GAD2: variants seen among roughly 807,000 people sequenced by gnomAD.
GAD2 encodes the protein glutamate decarboxylase 2, also known as 65 kDa glutamic acid decarboxylase.
In GAD2, 22 loss-of-function variants were observed where a neutral mutation model predicts 80.1. That is an observed-to-expected ratio of 0.27 (90% CI 0.20 to 0.39). The LOEUF (loss-of-function observed/expected upper bound fraction) is 0.39. Among genes scored for constraint, GAD2 ranks in the 10% least tolerant of loss-of-function variants. GAD2 has a pLI of 1.00. For missense variants in GAD2, 624 were observed against 738.4 expected (o/e 0.85, Z 1.80); for synonymous variants, 274 against 256.9 (o/e 1.07, Z -0.64).
chr10:26,263,945 G>T (rs1035114197), intron 8 of GAD2, among the ~76,000 whole-genome samples: 7 of 152,032 alleles, frequency 4.6e-5, no homozygotes, highest in Admixed American at 2.0e-4. Context: ...GTTAAGTCGG[G>T]GTAGTTGTAC....
At chr10:26,257,647 A>T (rs1010739418) in intron 8 of GAD2, among the ~76,000 whole-genome samples, 1 of 152,212 alleles carries the variant, frequency 6.6e-6, no homozygotes, top group African/African-American at 2.4e-5. Context: ...TACTACTAGT[A>T]GGTATTAGCT....
chr10:26,292,470 T>A lies in GAD2; in HGVS notation c.1392T>A (p.Thr464=), dbSNP rs1333950730. The change falls in exon 14 of 16, where the codon ACT becomes ACA. Residue 464 remains threonine (T), a synonymous_variant. Transcript: ENST00000376261. ...TGTGTCCTTCTCTTACCTAGGGGAC[T>A]ACCGGGTTTGAAGCGCATGTTGATA... ...KLWLMWRAKG[T]TGFEAHVDKC... is the part of the protein sequence containing the mutation. The A allele has an allele frequency of 6.2e-7, 1 of 1,613,438 alleles. No individual in the cohort carries two copies. Among genetic ancestry groups the A allele is most frequent in the African/African-American group, 1.3e-5 (1 of 75,046 alleles).
At chr10:26,285,091 A>C (rs1845317017) in intron 12 of GAD2, among the ~76,000 whole-genome samples, 1 of 152,230 alleles carries the variant, frequency 6.6e-6, no homozygotes, top group African/African-American at 2.4e-5. Flanking sequence ...ATTGGTCTTC[A>C]AGTGAATTTT....
chr10:26,277,138 C>T (rs1002728573), intron 11 of GAD2, among the ~76,000 whole-genome samples: 4 of 152,188 alleles, frequency 2.6e-5, no homozygotes, highest in African/African-American at 9.6e-5. Context: ...AGCTCAGCAT[C>T]ATAGCATACA....
intron 15 of GAD2, among the ~76,000 whole-genome samples, chr10:26,298,238 A>G (rs771655094): frequency 8.5e-5 from 13 of 152,216 alleles, no homozygotes; most frequent in Non-Finnish European, 1.3e-4. Context: ...CCCTGGACCC[A>G]TCTTAGTTGA....
At chr10:26,220,873 C>T (rs1015940027) in intron 4 of GAD2, among the ~76,000 whole-genome samples, 4 of 152,168 alleles carry the variant, frequency 2.6e-5, no homozygotes, top group Non-Finnish European at 4.4e-5. Context: ...TGTCTATCAA[C>T]GTTGCATTTA....
chr10:26,218,022 C>G, intron 3 of GAD2, 31 bp downstream of exon 3: 1 of 1,567,398 alleles, frequency 6.4e-7, no homozygotes, highest in Non-Finnish European at 8.6e-7. Context: ...CCCGGGGCGC[C>G]CCTGCCCCTC....
chr10:26,216,612 C>A (rs1844374087), upstream of GAD2: 1 of 446,866 alleles, frequency 2.2e-6, no homozygotes, highest in Non-Finnish European at 3.9e-6. The surrounding 1 kb of genome is among the most constrained non-coding windows in gnomAD (Gnocchi z 4.7). Flanking sequence ...AACCCTGTCT[C>A]CAGCTCGCAT....
chr10:26,275,927 G>A (rs7100268), intron 11 of GAD2, among the ~76,000 whole-genome samples: 16,755 of 152,166 alleles, frequency 0.11, 966 homozygotes, highest in African/African-American at 0.13. Context: ...GGCAGAGGTG[G>A]AAGGATCATT....
chr10:26,272,244 G>C (rs1845145536), intron 10 of GAD2, among the ~76,000 whole-genome samples: 2 of 152,182 alleles, frequency 1.3e-5, no homozygotes, highest in South Asian at 4.1e-4. Flanking sequence ...ACTGAGAAAA[G>C]ACTGAACTAT....
chr10:26,294,978 G>A (rs1464560329), intron 15 of GAD2, among the ~76,000 whole-genome samples: 3 of 152,114 alleles, frequency 2.0e-5, no homozygotes, highest in Non-Finnish European at 4.4e-5. Flanking sequence ...GAACTGACTG[G>A]CCAGAAAGAG....
intron 8 of GAD2, among the ~76,000 whole-genome samples, chr10:26,251,870 G>C (rs1844884676): frequency 6.6e-6 from 1 of 152,212 alleles, no homozygotes; most frequent in Non-Finnish European, 1.5e-5. Context: ...TGAGAGCCTG[G>C]CCCTAATGGT....
rs1376448340 is a variant in GAD2, at chr10:26,229,662, G to A, written c.725G>A (p.Gly242Asp). 2 of 1,610,784 alleles carry A rather than the reference G, an allele frequency of 1.2e-6. No homozygotes were observed. The highest frequency in any genetic ancestry group is 1.1e-5 in the South Asian group (1 of 90,778). The change falls in exon 7 of 16, where the codon GGT (glycine) becomes GAT (aspartate). Residue 242 changes from glycine (G) to aspartate (D), a missense_variant and splice_region_variant. By Grantham distance (94) the Gly-to-Asp change is moderately conservative (BLOSUM62 -1). Coordinates refer to ENST00000376261, the MANE Select transcript of GAD2 (RefSeq NM_001134366.2). ...AACTGCGTGTTGCTGTGCACTTTAG[G>A]TGGCGCCATATCTAACATGTATGCC... ...GGSGDGIFSP[G>D]GAISNMYAMM...
At position 26,219,386 on chromosome 10, in the gene GAD2, A is replaced by G. The variant is rs1844425671; in HGVS notation, c.520+110A>G. The G allele has an allele frequency of 4.3e-6, 3 of 704,956 alleles. No individual in the cohort carries two copies. In the East Asian group the frequency reaches 8.5e-5, roughly 20 times the overall value. The allele number at this position is 704,956 out of a possible 1,614,324, so 43.7% of individuals were successfully genotyped here. On this transcript the variant is annotated intron_variant, in intron 4 of 15. Coordinates refer to ENST00000376261, the MANE Select transcript of GAD2 (RefSeq NM_001134366.2). ...GAGTTACTGATATTTTCAAAATTGC[A>G]AAGTTATTTTCATCATGTAAAAAAT... is the stretch of plus-strand genomic sequence containing the variant.
Position 26,269,114 on chromosome 10 carries a change from T to C in GAD2, c.921-5T>C. On this transcript the variant is annotated splice_polypyrimidine_tract_variant and splice_region_variant and intron_variant, in intron 8 of 15. Transcript: ENST00000376261. The stretch of plus-strand genomic sequence containing the variant: ...AAGCAAATCTATATTTCTTTTTCCT[T>C]CCAGAGGGAAAATGATTCCATCTGA... 2 of 1,588,302 alleles carry C rather than the reference T, an allele frequency of 1.3e-6. No homozygotes were observed. The highest frequency in any genetic ancestry group is 1.7e-6 in the Non-Finnish European group (2 of 1,166,290).
rs183970850 is a variant in GAD2 at position 26,235,490 on chromosome 10, T to C, written c.840+5713T>C. Among the ~76,000 whole-genome samples, 4 of 152,362 alleles carry C rather than the reference T, an allele frequency of 2.6e-5. No individual in the cohort carries two copies. The East Asian group carries it at 7.7e-4, about 29-fold the overall frequency. On this transcript the variant is annotated intron_variant, in intron 7 of 15. Transcript: ENST00000376261. ...GATGAGGAGGGCAACCTATTAAATT[T>C]TTCTGGTTGTTTGAATCAACTGTTT... is the stretch of plus-strand genomic sequence containing the variant.
In GAD2 at chr10:26,276,614, C is replaced by CGCTCT. The variant is rs1163379756; in HGVS notation, c.1157+2914_1157+2915insGCTCT. Among the ~76,000 whole-genome samples the CGCTCT allele has an allele frequency of 8.7e-4, 133 of 152,150 alleles. 1 individual carries two copies. Among genetic ancestry groups the CGCTCT allele is most frequent in the Non-Finnish European group, 1.8e-3 (120 of 68,036 alleles). ...TTTTGGCCAGGCTGGTCTTGAACTC[C>CGCTCT]TGACCTCAAGTGATCCGCTCGCCTC... is the stretch of plus-strand genomic sequence containing the variant. On this transcript the variant is annotated intron_variant, in intron 11 of 15. Transcript: ENST00000376261.
chr10:26,273,403 G>A (rs564260914), intron 10 of GAD2, among the ~76,000 whole-genome samples: 3 of 152,224 alleles, frequency 2.0e-5, no homozygotes, highest in African/African-American at 4.8e-5. Context: ...TCTCTTCTAC[G>A]GACCAGGAGC....
intron 7 of GAD2, among the ~76,000 whole-genome samples, chr10:26,239,789 C>T (rs938001291): frequency 6.6e-6 from 1 of 152,208 alleles, no homozygotes; most frequent in South Asian, 2.1e-4. Context: ...GGAAGGTTTT[C>T]CAGGAAAATG....
Sources: allele counts gnomAD v4.1 joint callset (sites outside exome capture counted in the v4.1 genomes callset), GRCh38; gene constraint gnomAD v4.1.1; non-coding constraint Gnocchi (gnomAD v3.1); transcripts MANE v1.5; gene names NCBI Gene and HGNC (gene_info 2026-07-23, HGNC 2026-07-21).